ADAM9: variants seen among roughly 807,000 people sequenced by gnomAD.
The protein encoded by ADAM9 is ADAM metallopeptidase domain 9.
A neutral mutation model predicts 108.1 loss-of-function variants in ADAM9; 54 were observed. The ratio of observed to expected loss-of-function variants is 0.50; its 90% CI spans 0.40 to 0.63. The LOEUF (loss-of-function observed/expected upper bound fraction) is 0.63, where lower values mean the gene tolerates loss of function less well. ADAM9 is among the 20% of genes least tolerant of loss of function. The probability of loss-of-function intolerance (pLI) is 0.00; values close to 1 mark genes in which losing one functional copy is unlikely to be tolerated. For missense variants in ADAM9, 830 were observed against 997.7 expected (o/e 0.83, Z 2.26); for synonymous variants, 316 against 336.0 (o/e 0.94, Z 0.65).
At chr8:39,016,976 T>G (rs1836552508) in intron 5 of ADAM9, 1 of 503,808 alleles carries the variant, frequency 2.0e-6, no homozygotes, top group East Asian at 3.6e-5. Context: ...TGCCTTCCAT[T>G]TCCCGTAGAT....
At chr8:39,100,981 C>T (rs868737414) in intron 20 of ADAM9, among the ~76,000 whole-genome samples, 42 of 152,180 alleles carry the variant, frequency 2.8e-4, no homozygotes, top group Admixed American at 8.5e-4. Flanking sequence ...ATAATGAATT[C>T]CAAAACCGAG....
In ADAM9 at chr8:39,005,280, T is replaced by G. The variant is rs147280062; in HGVS notation, c.98-2606T>G. Among the ~76,000 whole-genome samples the G allele has an allele frequency of 2.2e-3, 331 of 152,292 alleles. 1 individual carries two copies. Among genetic ancestry groups the G allele is most frequent in the African/African-American group, 7.6e-3 (314 of 41,556 alleles). On this transcript the variant is annotated intron_variant, in intron 1 of 21. Transcript: ENST00000487273. ...TTATGCTGAGGGCCATTCACAACTC[T>G]GAGTTCTGTTGAGTTCACAACACAA...
At chr8:39,079,200 G>A (rs1371189098) in intron 16 of ADAM9, among the ~76,000 whole-genome samples, 3 of 152,230 alleles carry the variant, frequency 2.0e-5, no homozygotes, top group Non-Finnish European at 4.4e-5. Context: ...GGGCAGACCA[G>A]AATGCACCCT....
In ADAM9 at chr8:39,071,465, C is replaced by CTTT. The variant is rs34398586; in HGVS notation, c.1697+80_1697+82dup. 2.9e-3 allele frequency: 1,730 copies of CTTT among 588,474 alleles called. 3 individuals carry two copies. The highest frequency in any genetic ancestry group is 6.2e-3 in the African/African-American group (242 of 38,902). 36.5% of individuals were successfully genotyped at this position (588,474 alleles called of 1,614,324 possible). On this transcript the variant is annotated intron_variant, in intron 15 of 21. Coordinates refer to ENST00000487273, the MANE Select transcript of ADAM9 (RefSeq NM_003816.3). ...TTATAAGATCCGTCATCTCTAGTAT[C>CTTT]TTTTTTTTTTTTTTTTTTTTGAGAC...
chr8:39,062,388 A>T (rs764667665), intron 14 of ADAM9, among the ~76,000 whole-genome samples: 7 of 152,164 alleles, frequency 4.6e-5, no homozygotes, highest in Non-Finnish European at 8.8e-5. Flanking sequence ...TGTTTTTATG[A>T]TTCAAATTAG....
At chr8:39,032,282 G>T (rs1261466452) in intron 11 of ADAM9, among the ~76,000 whole-genome samples, 1 of 152,260 alleles carries the variant, frequency 6.6e-6, no homozygotes, top group Non-Finnish European at 1.5e-5. Flanking sequence ...CAAGAGGTGG[G>T]ATCTACAGAG....
At chr8:39,094,253 C>T (rs1297059024) in intron 20 of ADAM9, among the ~76,000 whole-genome samples, 1 of 152,138 alleles carries the variant, frequency 6.6e-6, no homozygotes, top group Non-Finnish European at 1.5e-5. Flanking sequence ...TTAAACCATC[C>T]TCGCATCCCC....
At chr8:39,065,659 CAAAAAAAAAAA>C (rs33990237) in intron 14 of ADAM9, among the ~76,000 whole-genome samples, 1 of 72,876 alleles carries the variant, frequency 1.4e-5, no homozygotes, top group Non-Finnish European at 2.5e-5. Flanking sequence ...GGCTACATCT[CAAAAAAAAAAA>C]AAAAAAAAAA....
chr8:39,026,287 A>T (rs1159467908), intron 10 of ADAM9, among the ~76,000 whole-genome samples: 1 of 152,078 alleles, frequency 6.6e-6, no homozygotes, highest in African/African-American at 2.4e-5. Context: ...CCGGTGTGTG[A>T]TGTTCCCCTC....
chr8:39,049,326 T>A (rs1837876105), intron 12 of ADAM9, among the ~76,000 whole-genome samples: 1 of 152,038 alleles, frequency 6.6e-6, no homozygotes, highest in South Asian at 2.1e-4. Context: ...GATAACAACT[T>A]AACCTCAATT....
intron 20 of ADAM9, 140 bp from the exon 21 acceptor site, chr8:39,101,721 ACT>A: frequency 1.3e-6 from 1 of 750,776 alleles, no homozygotes; most frequent in South Asian, 2.0e-5. Flanking sequence ...GAAATTTGAA[ACT>A]CTTCTGGTTC....
intron 15 of ADAM9, among the ~76,000 whole-genome samples, chr8:39,076,435 T>A (rs1023214006): frequency 6.6e-6 from 1 of 152,164 alleles, no homozygotes; most frequent in African/African-American, 2.4e-5. Context: ...AAGAACGTGA[T>A]GGGAGCTAGA....
intron 12 of ADAM9, among the ~76,000 whole-genome samples, chr8:39,045,359 TATAGGTGTGTGTACATACACCTA>T (rs1430684974): frequency 2.0e-4 from 21 of 105,076 alleles, no homozygotes; most frequent in African/African-American, 7.7e-4. Context: ...TGTACATACA[TATAGGTGTGTGTACATACACCTA>T]TAGGTGTGTG....
intron 18 of ADAM9, 26 bp downstream of exon 18, chr8:39,083,099 G>T: frequency 6.3e-7 from 1 of 1,590,756 alleles, no homozygotes; most frequent in Non-Finnish European, 8.6e-7. Context: ...GAAAATTAGT[G>T]TGATCTCCCA....
chr8:39,041,706 G>A (rs545505507), intron 11 of ADAM9, among the ~76,000 whole-genome samples: 1 of 152,270 alleles, frequency 6.6e-6, no homozygotes, highest in East Asian at 1.9e-4. Flanking sequence ...TAAGTGATAT[G>A]TTTTAAAGAT....
At chr8:39,069,668 G>A (rs1467608844) in intron 14 of ADAM9, among the ~76,000 whole-genome samples, 4 of 152,164 alleles carry the variant, frequency 2.6e-5, no homozygotes, top group African/African-American at 9.7e-5. Context: ...TGAGCATGGT[G>A]AGCTGATGAA....
intron 20 of ADAM9, among the ~76,000 whole-genome samples, chr8:39,101,408 T>C (rs1199782584): frequency 6.6e-6 from 1 of 152,142 alleles, no homozygotes; most frequent in Non-Finnish European, 1.5e-5. Flanking sequence ...TGTGAATAAA[T>C]CTAAGAAAAT....
chr8:39,056,010 G>C (rs1041549104), intron 14 of ADAM9, among the ~76,000 whole-genome samples: 7 of 151,988 alleles, frequency 4.6e-5, no homozygotes, highest in Admixed American at 1.3e-4. Context: ...CACACACACA[G>C]ATACATATAT....
chr8:39,056,681 C>G (rs757151197), intron 14 of ADAM9, among the ~76,000 whole-genome samples: 4 of 152,150 alleles, frequency 2.6e-5, no homozygotes, highest in African/African-American at 7.2e-5. Flanking sequence ...TTCTCTCTCT[C>G]TCTTTTGGTT....
Sources: gnomAD v4.1 joint callset for allele counts (sites outside exome capture counted in the v4.1 genomes callset) on GRCh38, gnomAD v4.1.1 for gene constraint, MANE v1.5 for transcripts, NCBI Gene and HGNC (gene_info 2026-07-23, HGNC 2026-07-21) for gene names.